Variants in TMED3 observed in about 807,000 individuals in gnomAD.
TMED3 encodes transmembrane emp24 domain-containing protein 3.
A neutral mutation model predicts 15.0 loss-of-function variants in TMED3; 9 were observed. That is an observed-to-expected ratio of 0.60 (90% CI 0.36 to 1.04). The LOEUF is 1.04. Ranked by LOEUF, TMED3 falls within the 50% of genes least tolerant of loss-of-function variation. The pLI, the probability that TMED3 is intolerant of heterozygous loss-of-function variation, is 0.01. For synonymous variants in TMED3, 117 were observed against 121.4 expected, an observed-to-expected ratio of 0.96 and a Z score of 0.24; for missense variants, 267 against 278.9, an observed-to-expected ratio of 0.96 and a Z score of 0.30.
intron 2 of TMED3, among the ~76,000 whole-genome samples, chr15:79,391,653 T>G (rs371805630): frequency 6.7e-6 from 1 of 149,058 alleles, no homozygotes; most frequent in East Asian, 2.0e-4. Flanking sequence ...TGACCTGTCT[T>G]GATGACATCT....
intron 2 of TMED3, among the ~76,000 whole-genome samples, chr15:79,368,988 G>A (rs541511485): frequency 4.6e-5 from 7 of 151,710 alleles, no homozygotes; most frequent in African/African-American, 7.3e-5. Flanking sequence ...CCCGCTACTC[G>A]AGAGGCTGAG....
rs1893744804 is a variant in TMED3, at chr15:79,394,990, T to C, written c.418-16410T>C. Among the ~76,000 whole-genome samples, 2 of 152,238 alleles carry C rather than the reference T, an allele frequency of 1.3e-5. 1 individual carries two copies. The highest frequency in any genetic ancestry group is 4.1e-4 in the South Asian group (2 of 4,828). ...ATAAATATTATAAAGCACTGTGTTATAGGCTATCAAGCTATGTAAGTGGAA... is the reference window on the plus strand; with the variant it reads ...ATAAATATTATAAAGCACTGTGTTACAGGCTATCAAGCTATGTAAGTGGAA... On this transcript the variant is annotated intron_variant, in intron 2 of 2. Coordinates refer to the TMED3 transcript ENST00000424155.
intron 2 of TMED3, among the ~76,000 whole-genome samples, chr15:79,388,217 C>A (rs1048407582): frequency 2.6e-5 from 4 of 152,008 alleles, no homozygotes; most frequent in Non-Finnish European, 5.9e-5. Context: ...ATGATGTTTT[C>A]GGTAGCCTTT....
chr15:79,397,394 G>T (rs1483507261), intron 2 of TMED3, among the ~76,000 whole-genome samples: 1 of 152,172 alleles, frequency 6.6e-6, no homozygotes, highest in Non-Finnish European at 1.5e-5. Context: ...CTCTCTGCCT[G>T]GACATGGAAA....
intron 2 of TMED3, among the ~76,000 whole-genome samples, chr15:79,334,622 G>GTGAC (rs2058820994): frequency 6.6e-6 from 1 of 152,190 alleles, no homozygotes. Context: ...CCCACACAGT[G>GTGAC]TGACTCTTCA....
intron 2 of TMED3, among the ~76,000 whole-genome samples, chr15:79,366,065 A>C (rs1893228821): frequency 6.6e-6 from 1 of 152,134 alleles, no homozygotes; most frequent in Admixed American, 6.5e-5. Flanking sequence ...AGGACATATA[A>C]ACAAAAAGAG....
chr15:79,347,362 G>A (rs2058874846), intron 2 of TMED3, among the ~76,000 whole-genome samples: 1 of 152,114 alleles, frequency 6.6e-6, no homozygotes, highest in South Asian at 2.1e-4. Flanking sequence ...TAGTAAACTA[G>A]GTATTGAAGG....
rs773780206 is a variant in TMED3, at chr15:79,330,085, A to G, written c.417+16080A>G. Among the ~76,000 whole-genome samples, 7 of 152,232 alleles carry G rather than the reference A, an allele frequency of 4.6e-5. No individual in the cohort carries two copies. The East Asian group carries it at 5.8e-4, about 13-fold the overall frequency. On this transcript the variant is annotated intron_variant, in intron 2 of 2. Transcript: ENST00000424155. ...ACTAAACAGCTAAGGTTTAACTAACATCATATTGAACAGTGAAAAGCTGAA... is the reference window on the plus strand; with the variant it reads ...ACTAAACAGCTAAGGTTTAACTAACGTCATATTGAACAGTGAAAAGCTGAA...
intron 2 of TMED3, among the ~76,000 whole-genome samples, chr15:79,353,172 C>CATAATATATAAAATATAT (rs1298415621): frequency 7.0e-5 from 4 of 57,188 alleles, no homozygotes; most frequent in Non-Finnish European, 1.2e-4. Context: ...AATATATATA[C>CATAATATATAAAATATAT]ATAATATATA....
At chr15:79,381,344 A>G (rs186832286) in intron 2 of TMED3, among the ~76,000 whole-genome samples, 101 of 152,314 alleles carry the variant, frequency 6.6e-4, no homozygotes, top group Middle Eastern at 3.4e-3. Context: ...AAAGGAGACA[A>G]ACCCACAACA....
intron 2 of TMED3, among the ~76,000 whole-genome samples, chr15:79,339,806 T>G (rs1349722563): frequency 6.7e-6 from 1 of 150,352 alleles, no homozygotes; most frequent in Admixed American, 6.6e-5. Context: ...GTGGTGATGG[T>G]GTGAATGTGA....
Position 79,322,219 on chromosome 15 carries a change from G to T in TMED3, c.*5G>T. The T allele has an allele frequency of 6.2e-7, 1 of 1,609,998 alleles. No homozygotes were observed. The highest frequency in any genetic ancestry group is 8.5e-7 in the Non-Finnish European group (1 of 1,177,554). On this transcript the variant is annotated 3_prime_UTR_variant, in exon 3 of 3. Coordinates refer to ENST00000299705, the MANE Select transcript of TMED3 (RefSeq NM_007364.4). The stretch of plus-strand genomic sequence containing the variant: ...AGCAGGGCAGTCCACTCCTAGCCCC[G>T]GCATCCTGCTCTAGGGCCCCTCATG...
chr15:79,311,517 G>A (rs1596046318), intron 1 of TMED3, 100 bp downstream of exon 1: 1 of 1,408,612 alleles, frequency 7.1e-7, no homozygotes. Flanking sequence ...ATTAGCCACA[G>A]GCTACAGGGA....
intron 2 of TMED3, chr15:79,382,856 A>G: frequency 9.8e-7 from 1 of 1,017,946 alleles, no homozygotes; most frequent in South Asian, 1.4e-5. Context: ...CTTCTTTTAT[A>G]TTATCTTTCA....
chr15:79,371,384 T>A (rs1893335482), intron 2 of TMED3, among the ~76,000 whole-genome samples: 1 of 152,202 alleles, frequency 6.6e-6, no homozygotes, highest in Non-Finnish European at 1.5e-5. Flanking sequence ...TGCAGCTTCC[T>A]GGGCCCCAGT....
intron 2 of TMED3, among the ~76,000 whole-genome samples, chr15:79,343,538 C>G (rs1179262505): frequency 6.6e-6 from 1 of 152,168 alleles, no homozygotes; most frequent in Non-Finnish European, 1.5e-5. Context: ...TTCTGATTTT[C>G]ACTATTACAA....
At chr15:79,368,438 G>A (rs1018719234) in intron 2 of TMED3, among the ~76,000 whole-genome samples, 1 of 152,070 alleles carries the variant, frequency 6.6e-6, no homozygotes, top group African/African-American at 2.4e-5. Flanking sequence ...TTGCTGTGAG[G>A]GAGCTTGCAC....
At chr15:79,366,527 A>G (rs542243819) in intron 2 of TMED3, among the ~76,000 whole-genome samples, 8 of 152,306 alleles carry the variant, frequency 5.3e-5, no homozygotes, top group African/African-American at 1.9e-4. Flanking sequence ...TTGCTAATCA[A>G]ATTGCTCCCT....
At chr15:79,384,390 CGGAATA>C (rs1893593525) in intron 2 of TMED3, 2 of 152,256 alleles carry the variant, frequency 1.3e-5, no homozygotes, top group Non-Finnish European at 2.9e-5. Context: ...ACATCATTGT[CGGAATA>C]GGAAAGAGTG....
Sources: gnomAD v4.1 joint callset for allele counts (sites outside exome capture counted in the v4.1 genomes callset) on GRCh38, gnomAD v4.1.1 for gene constraint, MANE v1.5 for transcripts, NCBI Gene and HGNC (gene_info 2026-07-23, HGNC 2026-07-21) for gene names.